The following UBOX5 variants were observed in gnomAD, a reference collection of about 807,000 sequenced individuals.
UBOX5 encodes the protein U-box domain containing 5.
A neutral mutation model predicts 39.0 loss-of-function variants in UBOX5; 28 were observed. That is an observed-to-expected ratio of 0.72 (90% CI 0.53 to 0.98). The LOEUF (loss-of-function observed/expected upper bound fraction) is 0.98, where lower values mean the gene tolerates loss of function less well. Ranked by LOEUF, UBOX5 falls within the 50% of genes least tolerant of loss-of-function variation. The probability of loss-of-function intolerance (pLI) is 0.00; values close to 1 mark genes in which losing one functional copy is unlikely to be tolerated. For missense variants in UBOX5, 585 were observed against 674.4 expected (o/e 0.87, Z 1.47); for synonymous variants, 283 against 275.5 (o/e 1.03, Z -0.27).
In UBOX5 at chr20:3,122,345, C is replaced by A. The variant is rs761819589; in HGVS notation, c.294G>T (p.Gln98His). 2 of 1,614,226 alleles carry A rather than the reference C, an allele frequency of 1.2e-6. No individual in the cohort carries two copies. The highest frequency in any genetic ancestry group is 1.7e-6 in the Non-Finnish European group (2 of 1,180,038). The change falls in exon 3 of 5, where the codon CAG becomes CAT. Residue 98 changes from glutamine to histidine, a missense_variant. Physicochemically the swap from Gln to His is conservative, Grantham distance 24. Coordinates refer to ENST00000217173, the MANE Select transcript of UBOX5 (RefSeq NM_014948.4). The stretch of plus-strand genomic sequence containing the variant: ...GCTCAGCTGGGCCCAGGGTCCGGCA[C>A]TGGGGCGTATTCCAAGACACTCTGC... ...SSSRVSWNTP[Q>H]CRTLGPAEPS...
At chr20:3,126,036 G>A (rs745386802) in intron 1 of UBOX5, among the ~76,000 whole-genome samples, 50 of 152,338 alleles carry the variant, frequency 3.3e-4, no homozygotes, top group Admixed American at 7.8e-4. Flanking sequence ...CATCAAGAAC[G>A]GGCCATGATG....
chr20:3,114,142 GAAA>G (rs2066275638), intron 4 of UBOX5, among the ~76,000 whole-genome samples: 3 of 152,058 alleles, frequency 2.0e-5, no homozygotes, highest in Admixed American at 2.0e-4. Context: ...CTTAAAAAAA[GAAA>G]AAAGAGAGAG....
At chr20:3,146,943 C>T (rs749572923) in intron 1 of UBOX5, 1 of 1,614,196 alleles carries the variant, frequency 6.2e-7, no homozygotes, top group South Asian at 1.1e-5. Flanking sequence ...TCCCTGGAGC[C>T]ATAGCAATAC....
intron 3 of UBOX5, among the ~76,000 whole-genome samples, chr20:3,118,491 C>A (rs2066310378): frequency 6.6e-6 from 1 of 151,684 alleles, no homozygotes; most frequent in Admixed American, 6.6e-5. Context: ...CAAAAATCAG[C>A]CAGGTGTAGT....
At chr20:3,128,084 G>C (rs374313635) in intron 1 of UBOX5, among the ~76,000 whole-genome samples, 60 of 152,320 alleles carry the variant, frequency 3.9e-4, no homozygotes, top group African/African-American at 1.3e-3. Context: ...TATTAACAAT[G>C]TCTCCAGGCT....
rs1231753545 is a variant in UBOX5, at chr20:3,135,681, T to C, written c.-41-12275A>G. On this transcript the variant is annotated intron_variant, in intron 1 of 4. Transcript: ENST00000217173. ...CCACATACAAGGGTGAGCACTGTTT[T>C]GTGAAAGTTTTGTTTCAGTTACATA... 3.3e-5 allele frequency among the ~76,000 whole-genome samples: 5 copies of C among 152,230 alleles called. No individual in the cohort carries two copies. The South Asian group carries it at 8.3e-4, about 25-fold the overall frequency.
chr20:3,131,340 A>C (rs909470513), intron 1 of UBOX5, among the ~76,000 whole-genome samples: 5 of 152,048 alleles, frequency 3.3e-5, no homozygotes, highest in Non-Finnish European at 5.9e-5. Context: ...AGTCAGGAAT[A>C]TGCTCTGAAT....
At chr20:3,147,317 G>A (rs1328302548) in intron 1 of UBOX5, 1 of 1,614,176 alleles carries the variant, frequency 6.2e-7, no homozygotes, top group Non-Finnish European at 8.5e-7. Context: ...AGAAGATCGG[G>A]TATGAGGCAA....
At chr20:3,114,502 G>A (rs2066278266) in intron 4 of UBOX5, among the ~76,000 whole-genome samples, 1 of 152,090 alleles carries the variant, frequency 6.6e-6, no homozygotes, top group Non-Finnish European at 1.5e-5. Context: ...TTCATTTTAG[G>A]CAAAATTGGC....
At position 3,108,055 on chromosome 20, in the gene UBOX5, G is replaced by A. The variant is rs549704703; in HGVS notation, c.*2051C>T. On this transcript the variant is annotated 3_prime_UTR_variant, in exon 5 of 5. Transcript: ENST00000217173. ...TTCCCTGAGACCATGACAGGGTGAA[G>A]GTGGGAATCACCAGCCCCCACACTC... is the stretch of plus-strand genomic sequence containing the variant. 6.6e-6 allele frequency: 1 copy of A among 152,374 alleles called. No homozygotes were observed. Among genetic ancestry groups the A allele is most frequent in the East Asian group, 1.9e-4 (1 of 5,190 alleles). The allele number at this position is 152,374 out of a possible 1,614,324, so 9.4% of individuals were successfully genotyped here.
At chr20:3,118,525 C>T (rs947755019) in intron 3 of UBOX5, among the ~76,000 whole-genome samples, 1 of 151,790 alleles carries the variant, frequency 6.6e-6, no homozygotes, top group Non-Finnish European at 1.5e-5. Context: ...AATCCCAGCA[C>T]TTTGGGAGGC....
intron 1 of UBOX5, among the ~76,000 whole-genome samples, chr20:3,132,958 C>CAAAA (rs530642103): frequency 8.2e-6 from 1 of 122,338 alleles, no homozygotes; most frequent in African/African-American, 3.0e-5. Context: ...CCAGTCTCTA[C>CAAAA]AAAAAAAAAA....
At chr20:3,119,176 T>C (rs1039443510) in intron 3 of UBOX5, among the ~76,000 whole-genome samples, 1 of 152,218 alleles carries the variant, frequency 6.6e-6, no homozygotes, top group African/African-American at 2.4e-5. Context: ...GCACTCTCTC[T>C]GGAACGCACA....
chr20:3,156,891 T>C (rs994332555), intron 1 of UBOX5: 12 of 152,286 alleles, frequency 7.9e-5, no homozygotes, highest in African/African-American at 2.9e-4. Context: ...CCCAATAAAA[T>C]TGCCACAAAT....
intron 1 of UBOX5, among the ~76,000 whole-genome samples, chr20:3,151,063 T>C (rs2066619084): frequency 6.6e-6 from 1 of 151,944 alleles, no homozygotes; most frequent in Admixed American, 6.6e-5. Context: ...TGTTTGTGTG[T>C]GTGTTTGTGT....
intron 1 of UBOX5, among the ~76,000 whole-genome samples, chr20:3,134,865 C>CA (rs879761300): frequency 2.3e-3 from 287 of 125,724 alleles, no homozygotes; most frequent in African/African-American, 4.2e-3. Context: ...AACTCCGTCT[C>CA]AAAAAAAAAA....
chr20:3,151,068 T>TTGTGTG (rs142154039), intron 1 of UBOX5, among the ~76,000 whole-genome samples: 3 of 149,360 alleles, frequency 2.0e-5, no homozygotes, highest in African/African-American at 4.9e-5. Flanking sequence ...GTGTGTGTGT[T>TTGTGTG]TGTGTGTGTG....
chr20:3,155,778 G>C (rs1057379933), intron 1 of UBOX5, among the ~76,000 whole-genome samples: 1 of 152,174 alleles, frequency 6.6e-6, no homozygotes, highest in Non-Finnish European at 1.5e-5. Context: ...CTTCTTTAAA[G>C]ATGTTCAATA....
chr20:3,114,979 G>C lies in UBOX5; in HGVS notation c.1417+326C>G, dbSNP rs114570926. ...ATAAATAAATAACAAACAAAAAAAA[G>C]AGAAACAAAAATCCTCAGGAGAAAA... On this transcript the variant is annotated intron_variant, in intron 4 of 4. Coordinates refer to ENST00000217173, the MANE Select transcript of UBOX5 (RefSeq NM_014948.4). 4.8e-3 allele frequency among the ~76,000 whole-genome samples: 738 copies of C among 152,198 alleles called. 4 individuals carry two copies. Among genetic ancestry groups the C allele is most frequent in the African/African-American group, 0.017 (696 of 41,540 alleles).
Sources: allele counts gnomAD v4.1 joint callset (sites outside exome capture counted in the v4.1 genomes callset), GRCh38; gene constraint gnomAD v4.1.1; transcripts MANE v1.5; gene names NCBI Gene and HGNC (gene_info 2026-07-23, HGNC 2026-07-21).